SLC71A1: variants seen among roughly 807,000 people sequenced by gnomAD.
SLC71A1 encodes hippocampus abundant gene transcript 1.
the SLC71A1 span, among the ~76,000 whole-genome samples, chr1:100,062,473 CTG>C: frequency 1.3e-5 from 2 of 152,238 alleles, no homozygotes; most frequent in African/African-American, 4.8e-5. Context: ...CTCCTGGACA[CTG>C]TTTTGGTAAA....
chr1:100,056,996 G>A, the SLC71A1 span, among the ~76,000 whole-genome samples: 4 of 152,082 alleles, frequency 2.6e-5, no homozygotes, highest in African/African-American at 4.8e-5. Context: ...TCTTTTGCCC[G>A]TTTTTTAAAA....
the SLC71A1 span, chr1:100,078,715 A>G: frequency 3.8e-6 from 2 of 528,290 alleles, no homozygotes; most frequent in Non-Finnish European, 6.7e-6. Flanking sequence ...ATCCTTAGGT[A>G]GATACATATT....
At chr1:100,050,072 T>G in the SLC71A1 span, 1 of 845,934 alleles carries the variant, frequency 1.2e-6, no homozygotes, top group Non-Finnish European at 2.0e-6. Flanking sequence ...TGGAGGAAAA[T>G]GTGGGCCTTT....
At chr1:100,050,533 A>G in the SLC71A1 span, among the ~76,000 whole-genome samples, 8 of 152,138 alleles carry the variant, frequency 5.3e-5, no homozygotes, top group African/African-American at 1.7e-4. Flanking sequence ...ATTGGTGTAG[A>G]TAAGGGGAAT....
At chr1:100,058,578 A>G in the SLC71A1 span, 4 of 731,016 alleles carry the variant, frequency 5.5e-6, no homozygotes, top group Non-Finnish European at 7.4e-6. Context: ...AGATTGTAGT[A>G]TGAATGGATG....
the SLC71A1 span, among the ~76,000 whole-genome samples, chr1:100,062,392 GTATT>G: frequency 4.6e-5 from 7 of 152,196 alleles, 1 homozygote; most frequent in Middle Eastern, 0.02. Flanking sequence ...TTTTGCATGT[GTATT>G]TATGTTTATA....
the SLC71A1 span, chr1:100,079,927 A>G: frequency 2.6e-5 from 4 of 152,230 alleles, no homozygotes; most frequent in African/African-American, 7.3e-5. Context: ...GCCTGTAATC[A>G]CAGCACTTTG....
chr1:100,047,816 C>T, the SLC71A1 span, among the ~76,000 whole-genome samples: 2 of 152,104 alleles, frequency 1.3e-5, no homozygotes, highest in Non-Finnish European at 2.9e-5. Flanking sequence ...GATATTGTCC[C>T]ATAGTTTATT....
At chr1:100,040,453 G>A in the SLC71A1 span, among the ~76,000 whole-genome samples, 1 of 151,090 alleles carries the variant, frequency 6.6e-6, no homozygotes, top group Non-Finnish European at 1.5e-5. Context: ...CTACTATTAT[G>A]AACTTTTTTT....
the SLC71A1 span, among the ~76,000 whole-genome samples, chr1:100,063,172 G>T: frequency 2.0e-5 from 3 of 151,864 alleles, no homozygotes; most frequent in African/African-American, 7.3e-5. Flanking sequence ...CGTTGGTTTG[G>T]TTTTTTTGAC....
At chr1:100,038,727 G>T in the SLC71A1 span, among the ~76,000 whole-genome samples, 1 of 152,224 alleles carries the variant, frequency 6.6e-6, no homozygotes, top group Non-Finnish European at 1.5e-5. Flanking sequence ...TTGTCAAGGG[G>T]CTGGGAACCA....
the SLC71A1 span, among the ~76,000 whole-genome samples, chr1:100,075,764 G>A: frequency 6.6e-6 from 1 of 152,032 alleles, no homozygotes; most frequent in Non-Finnish European, 1.5e-5. Context: ...CTGCAGCCTC[G>A]ACCTCCTGGG....
At chr1:100,038,630 C>T in the SLC71A1 span, among the ~76,000 whole-genome samples, 1 of 152,026 alleles carries the variant, frequency 6.6e-6, no homozygotes, top group Non-Finnish European at 1.5e-5. Context: ...ATGTGCGGGG[C>T]TCCCCCGGCG....
At chr1:100,069,269 A>G in the SLC71A1 span, among the ~76,000 whole-genome samples, 1 of 152,234 alleles carries the variant, frequency 6.6e-6, no homozygotes, top group Middle Eastern at 3.2e-3. Context: ...AGCAAAAACA[A>G]GTATTTTCCT....
At chr1:100,081,942 A>T in the SLC71A1 span, 2 of 1,270,474 alleles carry the variant, frequency 1.6e-6, 1 homozygote, top group South Asian at 2.4e-5. Flanking sequence ...AAAGGTATGT[A>T]GTTTCTCCTT....
chr1:100,058,607 G>T, the SLC71A1 span: 10 of 907,588 alleles, frequency 1.1e-5, no homozygotes, highest in Non-Finnish European at 1.8e-5. Context: ...GGTAAATGTA[G>T]AAATTTTATT....
the SLC71A1 span, among the ~76,000 whole-genome samples, chr1:100,047,092 C>A: frequency 6.6e-6 from 1 of 152,112 alleles, no homozygotes; most frequent in African/African-American, 2.4e-5. Context: ...CTTTCCAGTA[C>A]TTTGTTGAAT....
At chr1:100,060,494 CTT>C in the SLC71A1 span, among the ~76,000 whole-genome samples, 2 of 152,162 alleles carry the variant, frequency 1.3e-5, no homozygotes, top group African/African-American at 2.4e-5. Context: ...GTGGAGCAGA[CTT>C]TTTCTATCTT....
chr1:100,070,996 A>G, the SLC71A1 span, among the ~76,000 whole-genome samples: 59 of 152,222 alleles, frequency 3.9e-4, no homozygotes, highest in Non-Finnish European at 6.5e-4. Context: ...ACATACATAT[A>G]CTTGGTGTTG....
Sources: allele counts gnomAD v4.1 joint callset (sites outside exome capture counted in the v4.1 genomes callset), GRCh38; gene constraint gnomAD v4.1.1; transcripts MANE v1.5; gene names NCBI Gene and HGNC (gene_info 2026-07-23, HGNC 2026-07-21).